DOCK3: variants seen among roughly 807,000 people sequenced by gnomAD.
The protein encoded by DOCK3 is dedicator of cytokinesis 3, also known as dedicator of cytokinesis protein 3.
DOCK3 carries 60 observed loss-of-function variants against 265.6 expected under a neutral mutation model. The ratio of observed to expected loss-of-function variants is 0.23; its 90% CI spans 0.18 to 0.28. DOCK3 has a LOEUF of 0.28. Among genes scored for constraint, DOCK3 ranks in the 10% least tolerant of loss-of-function variants. The pLI, the probability that DOCK3 is intolerant of heterozygous loss-of-function variation, is 1.00. For missense variants in DOCK3, 1,981 were observed against 2,594.3 expected, an observed-to-expected ratio of 0.76 and a Z score of 5.14; for synonymous variants, 881 against 938.0, an observed-to-expected ratio of 0.94 and a Z score of 1.11.
chr3:50,834,396 G>T (rs1417776473), intron 2 of DOCK3, among the ~76,000 whole-genome samples: 2 of 152,052 alleles, frequency 1.3e-5, no homozygotes, highest in African/African-American at 4.8e-5. Flanking sequence ...TACATAACAA[G>T]TTATAATTAT....
rs193237886 is a variant in DOCK3, at chr3:51,078,354, T to G, written c.549+2914T>G. Among the ~76,000 whole-genome samples, 11 of 152,224 alleles carry G rather than the reference T, an allele frequency of 7.2e-5. 1 individual carries two copies. The East Asian group carries it at 2.1e-3, about 29-fold the overall frequency. Reference sequence around the variant, plus strand: ...GTAGGAGAGAAAACGTTTAAAAGTTTAGAGGTTCAATTCAGGAAGCCCAGT... The same window carrying G: ...GTAGGAGAGAAAACGTTTAAAAGTTGAGAGGTTCAATTCAGGAAGCCCAGT... On this transcript the variant is annotated intron_variant, in intron 7 of 52. Transcript: ENST00000266037.
chr3:50,752,838 TC>T (rs1244971236), intron 1 of DOCK3, among the ~76,000 whole-genome samples: 2 of 152,206 alleles, frequency 1.3e-5, no homozygotes, highest in Non-Finnish European at 2.9e-5. Context: ...TTAAATTACT[TC>T]CATGTAGTGT....
intron 4 of DOCK3, among the ~76,000 whole-genome samples, chr3:50,931,094 A>C (rs1458540654): frequency 6.6e-6 from 1 of 151,648 alleles, no homozygotes; most frequent in Non-Finnish European, 1.5e-5. Context: ...TCCTGCAGCC[A>C]CTCCTGCTGC....
At chr3:51,029,134 A>C (rs907576085) in intron 5 of DOCK3, among the ~76,000 whole-genome samples, 1 of 151,492 alleles carries the variant, frequency 6.6e-6, no homozygotes, top group Admixed American at 6.6e-5. Context: ...GTTGTATATG[A>C]TCATTTCTCT....
At chr3:50,840,321 T>C (rs775487143) in intron 2 of DOCK3, among the ~76,000 whole-genome samples, 64 of 152,350 alleles carry the variant, frequency 4.2e-4, no homozygotes, top group Middle Eastern at 3.4e-3. Flanking sequence ...GATTTTCTCC[T>C]GTGTTGTTGG....
chr3:50,968,802 G>A (rs1332063530), intron 5 of DOCK3, among the ~76,000 whole-genome samples: 2 of 152,110 alleles, frequency 1.3e-5, no homozygotes, highest in East Asian at 3.9e-4. Context: ...CACGTGCCTC[G>A]GCCTCCCAAA....
intron 40 of DOCK3, 27 bp from the exon 41 acceptor site, chr3:51,354,855 T>A: frequency 1.2e-6 from 2 of 1,610,310 alleles, no homozygotes; most frequent in South Asian, 2.2e-5. Flanking sequence ...AAAGCATACA[T>A]AGAGTGTGCT....
intron 5 of DOCK3, among the ~76,000 whole-genome samples, chr3:51,062,006 A>G (rs2081428662): frequency 1.3e-5 from 2 of 152,086 alleles, no homozygotes; most frequent in African/African-American, 4.8e-5. Flanking sequence ...CTACCTACAA[A>G]ACATGTCAAA....
intron 3 of DOCK3, among the ~76,000 whole-genome samples, chr3:50,878,968 A>C (rs572241613): frequency 6.6e-6 from 1 of 152,298 alleles, no homozygotes; most frequent in African/African-American, 2.4e-5. Flanking sequence ...AGTGGGGGCC[A>C]ATATTCAACA....
At chr3:50,926,518 T>G (rs987840524) in intron 4 of DOCK3, among the ~76,000 whole-genome samples, 1 of 152,258 alleles carries the variant, frequency 6.6e-6, no homozygotes, top group Non-Finnish European at 1.5e-5. Context: ...CTTCTAGTTA[T>G]GCATATTTTA....
At chr3:50,691,562 T>C (rs1184470739) in intron 1 of DOCK3, among the ~76,000 whole-genome samples, 1 of 152,216 alleles carries the variant, frequency 6.6e-6, no homozygotes, top group South Asian at 2.1e-4. Flanking sequence ...CTGTTTTCTA[T>C]TTCTTTGGGT....
intron 9 of DOCK3, among the ~76,000 whole-genome samples, chr3:51,135,120 T>G (rs1447498494): frequency 1.3e-5 from 2 of 152,262 alleles, no homozygotes; most frequent in Non-Finnish European, 2.9e-5. Flanking sequence ...GCTGCCTGTT[T>G]TCTGTTCACG....
intron 5 of DOCK3, among the ~76,000 whole-genome samples, chr3:50,940,358 A>G (rs1315144173): frequency 6.6e-6 from 1 of 151,940 alleles, no homozygotes; most frequent in Non-Finnish European, 1.5e-5. Flanking sequence ...CAGAACATGC[A>G]CAAGATCTGT....
At chr3:50,968,918 A>G (rs1278480295) in intron 5 of DOCK3, among the ~76,000 whole-genome samples, 1 of 152,192 alleles carries the variant, frequency 6.6e-6, no homozygotes, top group African/African-American at 2.4e-5. Flanking sequence ...ATCTTGGAAA[A>G]TGTTCCATAT....
At chr3:51,366,520 C>T (rs1009216723) in intron 49 of DOCK3, among the ~76,000 whole-genome samples, 1 of 151,964 alleles carries the variant, frequency 6.6e-6, no homozygotes, top group Non-Finnish European at 1.5e-5. Context: ...TTATTTCTTG[C>T]CTTCTGCTAG....
In DOCK3 at chr3:51,146,598, G is replaced by A; in HGVS notation, c.796G>A (p.Glu266Lys). 6.3e-7 allele frequency: 1 copy of A among 1,598,046 alleles called. No individual in the cohort carries two copies. Among genetic ancestry groups the A allele is most frequent in the Non-Finnish European group, 8.5e-7 (1 of 1,171,790 alleles). Reference sequence around the variant, plus strand: ...CAAGAATGGTGGGCCGAGGAACCCAGAGAAGATAGAACGAATGTGTGCCCT... The same window carrying A: ...CAAGAATGGTGGGCCGAGGAACCCAAAGAAGATAGAACGAATGTGTGCCCT... ...LNKNGGPRNP[E>K]KIERMCALFT... The change falls in exon 10 of 53, where the codon GAG becomes AAG. Residue 266 changes from glutamate (E) to lysine (K), a missense_variant. This residue lies in a region of DOCK3 where 456 missense variants were observed against 539.0 expected (regional missense o/e 0.85). Transcript: ENST00000266037.
At chr3:51,187,943 A>G (rs560535559) in intron 12 of DOCK3, among the ~76,000 whole-genome samples, 13 of 152,098 alleles carry the variant, frequency 8.5e-5, no homozygotes, top group Admixed American at 3.3e-4. Context: ...TACAGTGACT[A>G]TGGTACAGAA....
chr3:51,208,994 T>C (rs1354672228), intron 13 of DOCK3, 132 bp downstream of exon 13: 1 of 730,410 alleles, frequency 1.4e-6, no homozygotes, highest in Non-Finnish European at 2.2e-6. Flanking sequence ...AGGCATTTCC[T>C]ACTCATTCTT....
At position 51,225,655 on chromosome 3, in the gene DOCK3, T is replaced by A; in HGVS notation, c.1259T>A (p.Ile420Asn). 1.2e-6 allele frequency: 2 copies of A among 1,610,444 alleles called. No homozygotes were observed. Among genetic ancestry groups the A allele is most frequent in the Non-Finnish European group, 1.7e-6 (2 of 1,178,542 alleles). Residue 420 changes from isoleucine to asparagine, a missense_variant, in exon 15 of 53, where the codon ATC becomes AAC. Physicochemically the swap from Ile to Asn is moderately radical, Grantham distance 149. Transcript: ENST00000266037. ...GGCATTTCTTTCCCCGCAGGTGATA[T>A]CCGCAATGACCTGTACCTAACCCTG... ...GFPDVIMPGD[I>N]RNDLYLTLEK...
Sources: gnomAD v4.1 joint callset for allele counts (sites outside exome capture counted in the v4.1 genomes callset) on GRCh38, gnomAD v4.1.1 for gene constraint, gnomAD v4.1.1 regional missense constraint, MANE v1.5 for transcripts, NCBI Gene and HGNC (gene_info 2026-07-23, HGNC 2026-07-21) for gene names.